SLCO1A2: variants seen among roughly 807,000 people sequenced by gnomAD.
SLCO1A2 encodes OATP-1.
SLCO1A2 carries 67 observed loss-of-function variants against 69.0 expected under a neutral mutation model. The ratio of observed to expected loss-of-function variants is 0.97; its 90% CI spans 0.80 to 1.19. The LOEUF (loss-of-function observed/expected upper bound fraction) is 1.19. Among genes scored for constraint, SLCO1A2 ranks in the 50% most tolerant of loss-of-function variants. The pLI, the probability that SLCO1A2 is intolerant of heterozygous loss-of-function variation, is 0.00. For synonymous variants in SLCO1A2, 260 were observed against 265.9 expected (o/e 0.98, Z 0.22); for missense variants, 787 against 793.7 (o/e 0.99, Z 0.10).
At chr12:21,393,326 C>A (rs1033464208) in intron 1 of SLCO1A2, among the ~76,000 whole-genome samples, 1 of 152,138 alleles carries the variant, frequency 6.6e-6, no homozygotes, top group African/African-American at 2.4e-5. Context: ...GGTAACAATG[C>A]ACTAAACCTT....
chr12:21,341,874 C>T (rs539528355), intron 2 of SLCO1A2, among the ~76,000 whole-genome samples: 9 of 151,904 alleles, frequency 5.9e-5, no homozygotes, highest in East Asian at 5.8e-4. Context: ...TACTTTGGGA[C>T]GAGTAAATAA....
chr12:21,381,319 G>GA (rs1211488331), intron 1 of SLCO1A2, among the ~76,000 whole-genome samples: 2 of 151,332 alleles, frequency 1.3e-5, no homozygotes, highest in African/African-American at 4.9e-5. Context: ...AAATCAGCAA[G>GA]AAAAAAATAA....
intron 1 of SLCO1A2, among the ~76,000 whole-genome samples, chr12:21,416,014 T>G (rs913525879): frequency 2.0e-5 from 3 of 152,166 alleles, no homozygotes; most frequent in East Asian, 1.9e-4. Flanking sequence ...ATGCAATTAC[T>G]TTTTATACAT....
At chr12:21,287,268 C>G (rs1212920745) in intron 12 of SLCO1A2, among the ~76,000 whole-genome samples, 7 of 150,092 alleles carry the variant, frequency 4.7e-5, no homozygotes, top group African/African-American at 7.4e-5. Context: ...AATTGCTCAT[C>G]ATCACTGGCC....
intron 6 of SLCO1A2, among the ~76,000 whole-genome samples, chr12:21,301,852 AT>A (rs1948749824): frequency 6.6e-6 from 1 of 152,106 alleles, no homozygotes; most frequent in South Asian, 2.1e-4. Context: ...ATCCATTAAA[AT>A]TTCATCATCA....
chr12:21,344,254 T>C (rs1047397440), intron 2 of SLCO1A2, among the ~76,000 whole-genome samples: 3 of 152,028 alleles, frequency 2.0e-5, no homozygotes, highest in Non-Finnish European at 4.4e-5. Context: ...TTTAGCATAA[T>C]AAGAAGCTGA....
At chr12:21,300,762 G>A (rs953541579) in intron 7 of SLCO1A2, among the ~76,000 whole-genome samples, 193 bp from the exon 8 acceptor site, 1 of 152,128 alleles carries the variant, frequency 6.6e-6, no homozygotes, top group African/African-American at 2.4e-5. Context: ...CTGGTTATCT[G>A]TCTATCATGT....
intron 2 of SLCO1A2, among the ~76,000 whole-genome samples, chr12:21,362,193 C>A (rs1046436985): frequency 1.3e-5 from 2 of 152,040 alleles, no homozygotes; most frequent in African/African-American, 4.8e-5. Context: ...TAACAGTGAG[C>A]GGGTCTCTCG....
intron 2 of SLCO1A2, among the ~76,000 whole-genome samples, chr12:21,342,498 A>AAC (rs1953103051): frequency 1.3e-5 from 2 of 152,040 alleles, no homozygotes; most frequent in African/African-American, 4.8e-5. Context: ...ATTTTAACAA[A>AAC]TTAAAACATA....
Position 21,375,216 on chromosome 12 carries a change from T to C in SLCO1A2, c.-189-691A>G, listed in dbSNP as rs573983494. ...ATTACTTGTTATAAAATTATTTTGA[T>C]GTTAGTCTCACAATCTTTAACTTTG... On this transcript the variant is annotated intron_variant, in intron 1 of 15. Coordinates refer to the SLCO1A2 transcript ENST00000307378. Among the ~76,000 whole-genome samples the C allele has an allele frequency of 4.6e-5, 7 of 152,318 alleles. 1 individual carries two copies. Among genetic ancestry groups the C allele is most frequent in the African/African-American group, 1.7e-4 (7 of 41,582 alleles).
At chr12:21,272,914 A>G (rs1943132630) in intron 14 of SLCO1A2, among the ~76,000 whole-genome samples, 1 of 152,198 alleles carries the variant, frequency 6.6e-6, no homozygotes, top group African/African-American at 2.4e-5. Flanking sequence ...GTTTGTTCTC[A>G]AGAACTGTAA....
upstream of SLCO1A2, among the ~76,000 whole-genome samples, chr12:21,396,172 C>A (rs1196232317): frequency 3.3e-5 from 5 of 150,174 alleles, no homozygotes; most frequent in East Asian, 9.8e-4. Flanking sequence ...CAGAGAAGTG[C>A]TTAAAGGAGC....
At chr12:21,345,958 A>T (rs1026602270) in intron 2 of SLCO1A2, among the ~76,000 whole-genome samples, 8 of 152,044 alleles carry the variant, frequency 5.3e-5, no homozygotes, top group Admixed American at 3.9e-4. Flanking sequence ...ATCTTAATAT[A>T]GTCGAGTATA....
chr12:21,341,261 A>G (rs1238387605), intron 2 of SLCO1A2, among the ~76,000 whole-genome samples: 2 of 152,130 alleles, frequency 1.3e-5, no homozygotes, highest in South Asian at 2.1e-4. Flanking sequence ...AAAACACTGG[A>G]GGACCTAAAC....
intron 12 of SLCO1A2, among the ~76,000 whole-genome samples, chr12:21,276,387 G>GACACACACAC (rs3060629): frequency 3.9e-4 from 55 of 141,998 alleles, no homozygotes; most frequent in South Asian, 9.6e-4. Context: ...GATAAATATG[G>GACACACACAC]ACACACACAC....
At chr12:21,306,590 G>T in intron 5 of SLCO1A2, among the ~76,000 whole-genome samples, 1 of 152,130 alleles carries the variant, frequency 6.6e-6, no homozygotes, top group East Asian at 1.9e-4. Flanking sequence ...GCCTCCCAAA[G>T]TGCTGGGATT....
chr12:21,314,840 C>T (rs1258608846), intron 3 of SLCO1A2, among the ~76,000 whole-genome samples, 159 bp from the exon 4 acceptor site: 1 of 152,150 alleles, frequency 6.6e-6, no homozygotes, highest in Non-Finnish European at 1.5e-5. Flanking sequence ...GAATATAACA[C>T]AATCCCTGCC....
rs1947294351 is a variant in SLCO1A2 at position 21,293,857 on chromosome 12, A to G, written c.1437+88T>C. On this transcript the variant is annotated intron_variant, in intron 11 of 14. Transcript: ENST00000683939. Reference sequence around the variant, plus strand: ...AGTAATATGGTTTTGAGGAAACACTAATTTTACTTTTATTAAATATAGGCC... The same window carrying G: ...AGTAATATGGTTTTGAGGAAACACTGATTTTACTTTTATTAAATATAGGCC... 17 of 1,067,072 alleles carry G rather than the reference A, an allele frequency of 1.6e-5. No homozygotes were observed. In the South Asian group the frequency reaches 2.5e-4, roughly 16 times the overall value. The allele number at this position is 1,067,072 out of a possible 1,614,324, so 66.1% of individuals were successfully genotyped here. A position where few individuals can be genotyped will look rare whatever the true frequency, so the allele number is the denominator to read the frequency against.
At chr12:21,417,129 A>C (rs868751200) in intron 1 of SLCO1A2, among the ~76,000 whole-genome samples, 1 of 152,050 alleles carries the variant, frequency 6.6e-6, no homozygotes, top group Non-Finnish European at 1.5e-5. Flanking sequence ...TTTCTAGAAG[A>C]TTTGGGAAGA....
Sources: gnomAD v4.1 joint callset for allele counts (sites outside exome capture counted in the v4.1 genomes callset) on GRCh38, gnomAD v4.1.1 for gene constraint, MANE v1.5 for transcripts, NCBI Gene and HGNC (gene_info 2026-07-23, HGNC 2026-07-21) for gene names.